The following TSC2 variants were observed in gnomAD, a reference collection of about 807,000 sequenced individuals.
TSC2 encodes TSC complex subunit 2.
TSC2 carries 29 observed loss-of-function variants against 202.2 expected under a neutral mutation model. That is an observed-to-expected ratio of 0.14 (90% confidence interval 0.11 to 0.20). The LOEUF is 0.20. Among genes scored for constraint, TSC2 ranks in the 10% least tolerant of loss-of-function variants. The pLI, the probability that TSC2 is intolerant of heterozygous loss-of-function variation, is 1.00. For missense variants in TSC2, 2,429 were observed against 2,420.0 expected, an observed-to-expected ratio of 1.00 and a Z score of -0.08; for synonymous variants, 1,349 against 1,044.0, an observed-to-expected ratio of 1.29 and a Z score of -5.63.
intron 25 of TSC2, among the ~76,000 whole-genome samples, chr16:2,077,137 C>T (rs1031617344): frequency 3.9e-5 from 6 of 152,248 alleles, no homozygotes; most frequent in African/African-American, 1.4e-4. Flanking sequence ...GGGCCAAGCT[C>T]GGCCATTACG....
intron 17 of TSC2, among the ~76,000 whole-genome samples, chr16:2,070,852 T>G (rs971370335): frequency 2.6e-5 from 4 of 152,156 alleles, no homozygotes; most frequent in Admixed American, 2.6e-4. Flanking sequence ...GGGCAGTGCA[T>G]GGCCCTGACG....
At chr16:2,061,837 A>G in intron 11 of TSC2, 34 bp from the exon 12 acceptor site, 1 of 1,613,864 alleles carries the variant, frequency 6.2e-7, no homozygotes, top group Non-Finnish European at 8.5e-7. Flanking sequence ...TGGGGAGTGG[A>G]AGTCAGCCTG....
Position 2,088,881 on chromosome 16 carries a change from GCACACACACA to G in TSC2, c.*280_*289del, listed in dbSNP as rs56279647. The G allele has an allele frequency of 7.1e-6, 3 of 421,378 alleles. No homozygotes were observed. Among genetic ancestry groups the G allele is most frequent in the South Asian group, 2.4e-5 (1 of 41,016 alleles). The allele number at this position is 421,378 out of a possible 1,614,324, so 26.1% of individuals were successfully genotyped here. A position where few individuals can be genotyped will look rare whatever the true frequency, so the allele number is the denominator to read the frequency against. ...ACAGCACACTCGCGCGTGCGCGCGCGCACACACACACACACACAGTCACCTTCCTCCACCC... is the reference window on the plus strand; with the variant it reads ...ACAGCACACTCGCGCGTGCGCGCGCGCACACACAGTCACCTTCCTCCACCC... On this transcript the variant is annotated 3_prime_UTR_variant, in exon 42 of 42. Transcript: ENST00000219476.
intron 5 of TSC2, chr16:2,055,171 T>A: frequency 1.6e-6 from 1 of 613,608 alleles, no homozygotes; most frequent in Non-Finnish European, 3.0e-6. Context: ...GCACAGACCC[T>A]CTGTGCAGCC....
At chr16:2,065,759 G>T (rs1003130106) in intron 16 of TSC2, 124 bp downstream of exon 16, 46 of 874,938 alleles carry the variant, frequency 5.3e-5, no homozygotes, top group Non-Finnish European at 7.7e-5. Context: ...TTTGCTGAGG[G>T]TGCGGTGGTC....
Position 2,089,451 on chromosome 16 carries a change from G to C in TSC2, c.*841G>C. The stretch of plus-strand genomic sequence containing the variant: ...GGGCCGGGCACAGCCCGCTGTACCT[G>C]AGGACTCGGGGAAATAAATTAGCAT... On this transcript the variant is annotated 3_prime_UTR_variant, in exon 42 of 42. Transcript: ENST00000219476. The C allele has an allele frequency of 1.9e-6, 1 of 529,210 alleles. No homozygotes were observed. Among genetic ancestry groups the C allele is most frequent in the Non-Finnish European group, 3.4e-6 (1 of 294,118 alleles). The allele number at this position is 529,210 out of a possible 1,614,324, so 32.8% of individuals were successfully genotyped here.
chr16:2,055,273 C>G (rs759941603), intron 5 of TSC2, 129 bp from the exon 6 acceptor site: 18 of 800,876 alleles, frequency 2.2e-5, no homozygotes, highest in Non-Finnish European at 3.9e-5. Context: ...CTGTCTGTTG[C>G]TGCCGGGGGA....
rs1555440897 is a variant in TSC2, at chr16:2,088,328, A to G, written c.5259+3A>G. 1 of 1,612,572 alleles carries G rather than the reference A, an allele frequency of 6.2e-7. No individual in the cohort carries two copies. The highest frequency in any genetic ancestry group is 8.5e-7 in the Non-Finnish European group (1 of 1,179,954). ...ACATCAAGCGGCTCCGCCAGCGGGT[A>G]GGGAATATGGGGCTCCCTCAGCGGG... On this transcript the variant is annotated splice_donor_region_variant and intron_variant, in intron 41 of 41. Transcript: ENST00000219476.
chr16:2,072,073 C>A lies in TSC2; in HGVS notation c.2097+139C>A. On this transcript the variant is annotated intron_variant, in intron 19 of 41. Coordinates refer to ENST00000219476, the MANE Select transcript of TSC2 (RefSeq NM_000548.5). ...TCAGAGCTGAGCCTTCCCCCTTCCC[C>A]GAGCAGCTGCAGGGACAGAGGCCTG... 1 of 1,482,834 alleles carries A rather than the reference C, an allele frequency of 6.7e-7. No homozygotes were observed. Among genetic ancestry groups the A allele is most frequent in the Non-Finnish European group, 9.0e-7 (1 of 1,113,460 alleles). The allele number at this position is 1,482,834 out of a possible 1,614,324, so 91.9% of individuals were successfully genotyped here.
At chr16:2,077,373 G>T in intron 25 of TSC2, 1 of 644,126 alleles carries the variant, frequency 1.6e-6, no homozygotes, top group East Asian at 2.6e-5. Flanking sequence ...AGCCTTACTT[G>T]TTCTCAGTCA....
At chr16:2,080,033 A>G in intron 29 of TSC2, 132 bp from the exon 30 acceptor site, 1 of 1,275,478 alleles carries the variant, frequency 7.8e-7, no homozygotes, top group Non-Finnish European at 1.1e-6. Flanking sequence ...GCCGTGCCCC[A>G]AGGGCAGAGC....
Position 2,088,055 on chromosome 16 carries a change from G to C in TSC2, c.5076G>C (p.Glu1692Asp), listed in dbSNP as rs1358186613. ...ACCACCAAGTCTCCCCAGACATGGA[G>C]GGCCTTGTGGACACCAGCGTGGCCA... is the stretch of plus-strand genomic sequence containing the variant. Reference protein sequence around the residue: ...LVSLQCRKDMEGLVDTSVAKI... With the variant: ...LVSLQCRKDMDGLVDTSVAKI... Residue 1692 changes from glutamate to aspartate, a missense_variant, in exon 40 of 42, where the codon GAG becomes GAC. Coordinates refer to ENST00000219476, the MANE Select transcript of TSC2 (RefSeq NM_000548.5). 4 of 1,612,482 alleles carry C rather than the reference G, an allele frequency of 2.5e-6. No individual in the cohort carries two copies. Among genetic ancestry groups the C allele is most frequent in the Non-Finnish European group, 3.4e-6 (4 of 1,179,976 alleles).
At chr16:2,075,764 C>T (rs777709477) in intron 22 of TSC2, 35 bp from the exon 23 acceptor site, 21 of 1,607,868 alleles carry the variant, frequency 1.3e-5, no homozygotes, top group Non-Finnish European at 1.8e-5. Flanking sequence ...TGCACGGGAC[C>T]CCGGCTCCCC....
chr16:2,086,156 G>A (rs2090758729), intron 36 of TSC2, 37 bp from the exon 37 acceptor site: 2 of 1,611,498 alleles, frequency 1.2e-6, no homozygotes, highest in Non-Finnish European at 1.7e-6. Context: ...GCCCGGCCCG[G>A]GAGTGATGCC....
At chr16:2,064,194 T>C in intron 14 of TSC2, 78 bp from the exon 15 acceptor site, 1 of 1,609,768 alleles carries the variant, frequency 6.2e-7, no homozygotes, top group Non-Finnish European at 8.5e-7. Flanking sequence ...TGCGGGTCGG[T>C]TCCTGAGGAA....
chr16:2,055,125 T>G (rs1164153204), intron 5 of TSC2: 15 of 521,070 alleles, frequency 2.9e-5, no homozygotes, highest in Non-Finnish European at 4.9e-5. Flanking sequence ...GGTTGGGCCC[T>G]GAGTGTACGG....
chr16:2,080,686 G>A lies in TSC2; in HGVS notation c.3610+309G>A, dbSNP rs11640493. 320 of 371,666 alleles carry A rather than the reference G, an allele frequency of 8.6e-4. 1 individual carries two copies. The highest frequency in any genetic ancestry group is 2.5e-3 in the East Asian group (43 of 17,218). The allele number at this position is 371,666 out of a possible 1,614,324, so 23.0% of individuals were successfully genotyped here. On this transcript the variant is annotated intron_variant, in intron 30 of 41. Coordinates refer to ENST00000219476, the MANE Select transcript of TSC2 (RefSeq NM_000548.5). ...TTTCTAGTAGAGATGGGGTTTCACT[G>A]TGTTAGCCAGGATGGTCTCAATCTC...
chr16:2,083,741 G>A lies in TSC2; in HGVS notation c.3930G>A (p.Val1310=), dbSNP rs1291872836. 1 of 1,606,034 alleles carries A rather than the reference G, an allele frequency of 6.2e-7. No homozygotes were observed. The highest frequency in any genetic ancestry group is 2.2e-5 in the East Asian group (1 of 44,628). Residue 1310 remains valine (V), a synonymous_variant, in exon 33 of 42, where the codon GTG becomes GTA. Transcript: ENST00000219476. ...MEEGSPGEVP[V]LVEPPGLEDV... ...AGGGAAGTCCGGGCGAGGTTCCTGT[G>A]CTGGTGGAGCCCCCAGGGTTGGAGG...
In TSC2 at chr16:2,086,713, C is replaced by G. The variant is rs45517376; in HGVS notation, c.4850-19C>G. The G allele has an allele frequency of 4.4e-6, 7 of 1,608,174 alleles. No individual in the cohort carries two copies. The highest frequency in any genetic ancestry group is 5.9e-6 in the Non-Finnish European group (7 of 1,179,900). On this transcript the variant is annotated intron_variant, in intron 37 of 41. Transcript: ENST00000219476. ...TCAGCACTGGCCCCACAAACCCATC[C>G]GGCCCTGCTCACCCTCAGCCGTCTT...
Sources: gnomAD v4.1 joint callset for allele counts (sites outside exome capture counted in the v4.1 genomes callset) on GRCh38, gnomAD v4.1.1 for gene constraint, MANE v1.5 for transcripts, NCBI Gene and HGNC (gene_info 2026-07-23, HGNC 2026-07-21) for gene names.